LAMB4: variants seen among roughly 807,000 people sequenced by gnomAD.
The protein encoded by LAMB4 is laminin subunit beta 4, also known as laminin subunit beta-4.
A neutral mutation model predicts 199.2 loss-of-function variants in LAMB4; 196 were observed. That is an observed-to-expected ratio of 0.98 (90% confidence interval 0.88 to 1.11). LAMB4 has a LOEUF of 1.11. Among genes scored for constraint, LAMB4 ranks in the 50% least tolerant of loss-of-function variants. The pLI is 0.00. For synonymous variants in LAMB4, 744 were observed against 770.6 expected, an observed-to-expected ratio of 0.97 and a Z score of 0.57; for missense variants, 2,080 against 2,171.2, an observed-to-expected ratio of 0.96 and a Z score of 0.83.
chr7:108,104,097 T>C (rs2037912354), intron 9 of LAMB4, among the ~76,000 whole-genome samples: 1 of 152,174 alleles, frequency 6.6e-6, no homozygotes, highest in Non-Finnish European at 1.5e-5. Flanking sequence ...TTTCTCCTAT[T>C]ATCCTACAGA....
chr7:108,125,764 G>A (rs1332221780), intron 1 of LAMB4, among the ~76,000 whole-genome samples: 1 of 152,234 alleles, frequency 6.6e-6, no homozygotes, highest in Non-Finnish European at 1.5e-5. Context: ...AATGCTGAAC[G>A]CAGGAGTAAA....
At chr7:108,014,229 G>T in the LAMB4 span, among the ~76,000 whole-genome samples, 3 of 152,182 alleles carry the variant, frequency 2.0e-5, no homozygotes, top group Non-Finnish European at 2.9e-5. Flanking sequence ...CCCAAGAAAA[G>T]AGTGTCTTCT....
intron 18 of LAMB4, among the ~76,000 whole-genome samples, chr7:108,068,856 G>A (rs1218143840): frequency 2.6e-5 from 4 of 151,884 alleles, no homozygotes; most frequent in African/African-American, 9.7e-5. Context: ...ATCACACCTG[G>A]CTAATTTTTA....
chr7:108,121,846 C>T (rs2038611692), intron 2 of LAMB4, among the ~76,000 whole-genome samples: 1 of 151,740 alleles, frequency 6.6e-6, no homozygotes, highest in South Asian at 2.1e-4. Context: ...GATTATTTCT[C>T]CTTATATTGC....
chr7:108,063,715 T>C lies in LAMB4; in HGVS notation c.3061+46A>G, dbSNP rs2036242093. 2 of 1,497,828 alleles carry C rather than the reference T, an allele frequency of 1.3e-6. 1 individual carries two copies. The highest frequency in any genetic ancestry group is 2.3e-5 in the South Asian group (2 of 88,754). The allele number at this position is 1,497,828 out of a possible 1,614,324, so 92.8% of individuals were successfully genotyped here. On this transcript the variant is annotated intron_variant, in intron 22 of 33. Transcript: ENST00000388781. ...GAGAGCTGACAACACACTTATGAGC[T>C]GTCACTCAGCTGACACATTTCCCCC...
chr7:108,080,938 A>G (rs10277128), intron 14 of LAMB4, among the ~76,000 whole-genome samples: 5,340 of 152,146 alleles, frequency 0.035, 319 homozygotes, highest in African/African-American at 0.12. Flanking sequence ...CCTGGCCAAC[A>G]TGGTGAAATC....
At chr7:108,072,434 G>T (rs1312597331) in intron 17 of LAMB4, among the ~76,000 whole-genome samples, 1 of 152,146 alleles carries the variant, frequency 6.6e-6, no homozygotes, top group Non-Finnish European at 1.5e-5. Flanking sequence ...TTATTTGGAA[G>T]TCATGTATGC....
At chr7:108,108,500 T>C (rs930996844) in intron 5 of LAMB4, among the ~76,000 whole-genome samples, 2 of 152,190 alleles carry the variant, frequency 1.3e-5, no homozygotes, top group African/African-American at 4.8e-5. Flanking sequence ...TTTATCCTGG[T>C]TCCCCACAGC....
intron 10 of LAMB4, 78 bp downstream of exon 10, chr7:108,102,966 G>C: frequency 7.8e-7 from 1 of 1,284,758 alleles, no homozygotes; most frequent in Non-Finnish European, 1.1e-6. Flanking sequence ...AAGCAGATAA[G>C]GTGCGGGCAG....
intron 33 of LAMB4, among the ~76,000 whole-genome samples, chr7:108,025,417 CTTCT>C (rs1288447788): frequency 3.2e-4 from 34 of 107,868 alleles, no homozygotes; most frequent in African/African-American, 4.6e-4. Context: ...TTCTTTCTTT[CTTCT>C]TTCTTTCTTT....
downstream of LAMB4, among the ~76,000 whole-genome samples, chr7:108,020,386 G>A (rs2034665310): frequency 6.8e-6 from 1 of 147,324 alleles, no homozygotes; most frequent in African/African-American, 2.5e-5. Context: ...CAGGAGAATC[G>A]TTTGAACCTG....
chr7:108,104,642 C>T (rs761984169), intron 8 of LAMB4, 23 bp from the exon 9 acceptor site: 15 of 1,609,304 alleles, frequency 9.3e-6, no homozygotes, highest in Admixed American at 5.0e-5. Context: ...ATAAATAGAG[C>T]GTTGAAAGAG....
At chr7:108,104,895 A>G (rs1435121647) in intron 8 of LAMB4, among the ~76,000 whole-genome samples, 3 of 152,060 alleles carry the variant, frequency 2.0e-5, no homozygotes, top group Non-Finnish European at 4.4e-5. Context: ...GCAGCCCTCA[A>G]TAAAATGAGG....
chr7:108,063,740 C>T (rs1443113092), intron 22 of LAMB4, 21 bp downstream of exon 22: 2 of 1,595,320 alleles, frequency 1.3e-6, no homozygotes, highest in Middle Eastern at 3.5e-4. Context: ...ACATTTCCCC[C>T]TGGGAGTTTT....
At chr7:108,072,408 G>C (rs1019754106) in intron 17 of LAMB4, among the ~76,000 whole-genome samples, 7 of 151,994 alleles carry the variant, frequency 4.6e-5, no homozygotes, top group Non-Finnish European at 1.5e-5. Flanking sequence ...ATTAATATTA[G>C]CATATTACAT....
Position 108,098,460 on chromosome 7 carries a change from C to G in LAMB4, c.1303G>C (p.Asp435His). The G allele has an allele frequency of 1.2e-6, 2 of 1,613,012 alleles. No individual in the cohort carries two copies. Among genetic ancestry groups the G allele is most frequent in the South Asian group, 1.1e-5 (1 of 90,964 alleles). Residue 435 changes from aspartate to histidine, a missense_variant, in exon 11 of 34, where the codon GAC (aspartate) becomes CAC (histidine). Coordinates refer to ENST00000388781, the MANE Select transcript of LAMB4 (RefSeq NM_007356.3). ...CCGTAGTGGTTGGGTTTGCACTGGT[C>G]GCATTTGGCTCCTTCCACGTTCTCT... Reference protein sequence around the residue: ...CKENVEGAKCDQCKPNHYGLS... With the variant: ...CKENVEGAKCHQCKPNHYGLS...
At chr7:108,066,293 A>T in intron 20 of LAMB4, 76 bp downstream of exon 20, 1 of 1,072,900 alleles carries the variant, frequency 9.3e-7, no homozygotes, top group Non-Finnish European at 1.4e-6. Flanking sequence ...TTGAGTCTCT[A>T]CTCAATGGAT....
At chr7:108,060,783 G>A (rs138951636) in intron 23 of LAMB4, among the ~76,000 whole-genome samples, 101 of 152,292 alleles carry the variant, frequency 6.6e-4, no homozygotes, top group African/African-American at 2.2e-3. Context: ...ATGAATAAAC[G>A]TAAGACAACA....
At chr7:108,122,195 C>T (rs10953558) in intron 2 of LAMB4, among the ~76,000 whole-genome samples, 6,156 of 152,258 alleles carry the variant, frequency 0.04, 377 homozygotes, top group African/African-American at 0.14. Flanking sequence ...TATACAAAGG[C>T]TGGGGAGAAG....
Sources: gnomAD v4.1 joint callset for allele counts (sites outside exome capture counted in the v4.1 genomes callset) on GRCh38, gnomAD v4.1.1 for gene constraint, MANE v1.5 for transcripts, NCBI Gene and HGNC (gene_info 2026-07-23, HGNC 2026-07-21) for gene names.